RORB: variants seen among roughly 807,000 people sequenced by gnomAD.
The protein encoded by RORB is RAR related orphan receptor B.
In RORB, 6 loss-of-function variants were observed where a neutral mutation model predicts 59.1. The ratio of observed to expected loss-of-function variants is 0.10; its 90% confidence interval spans 0.06 to 0.20. The LOEUF (loss-of-function observed/expected upper bound fraction) is 0.20. RORB is among the 10% of genes least tolerant of loss of function. The pLI, the probability that RORB is intolerant of heterozygous loss-of-function variation, is 1.00. For missense variants in RORB, 320 were observed against 560.5 expected (o/e 0.57, Z 4.33); for synonymous variants, 215 against 204.5 (o/e 1.05, Z -0.44).
In RORB at chr9:74,673,223, C is replaced by T. The variant is rs542388854; in HGVS notation, c.1224+1322C>T. Among the ~76,000 whole-genome samples the T allele has an allele frequency of 1.4e-4, 22 of 152,242 alleles. No individual in the cohort carries two copies. The South Asian group carries it at 3.9e-3, about 27-fold the overall frequency. ...GAAAAGACAATAATGTAAATATATG[C>T]ATGTGTCTCTATAGTTGCTTGGTAG... is the stretch of plus-strand genomic sequence containing the variant. On this transcript the variant is annotated intron_variant, in intron 9 of 9. Coordinates refer to ENST00000376896, the MANE Select transcript of RORB (RefSeq NM_006914.4).
chr9:74,515,475 G>A (rs1005179715), intron 1 of RORB, among the ~76,000 whole-genome samples: 10 of 151,896 alleles, frequency 6.6e-5, no homozygotes, highest in Middle Eastern at 3.2e-3. Flanking sequence ...GTTCTTTCAG[G>A]AGAGTGTTTT....
rs558005164 is a variant in RORB, at chr9:74,521,741, C to T, written c.7+23758C>T. Reference sequence around the variant, plus strand: ...GGATTGTCACAGGTTAATTTTTCATCGTTTTATCCCTATCACTGAATACAG... The same window carrying T: ...GGATTGTCACAGGTTAATTTTTCATTGTTTTATCCCTATCACTGAATACAG... On this transcript the variant is annotated intron_variant, in intron 1 of 9. Transcript: ENST00000376896. 3.3e-5 allele frequency among the ~76,000 whole-genome samples: 5 copies of T among 151,810 alleles called. No individual in the cohort carries two copies. The East Asian group carries it at 9.7e-4, about 30-fold the overall frequency.
Position 74,642,789 on chromosome 9 carries a change from C to T in RORB, c.611C>T (p.Ala204Val). The T allele has an allele frequency of 3.1e-6, 5 of 1,603,900 alleles. No individual in the cohort carries two copies. Among genetic ancestry groups the T allele is most frequent in the Non-Finnish European group, 4.3e-6 (5 of 1,172,836 alleles). Residue 204 changes from alanine to valine, a missense_variant, in exon 4 of 10, where the codon GCA becomes GTA. Ala to Val is a moderately conservative substitution (Grantham distance 64). This residue lies in a region of RORB where 134 missense variants were observed against 156.2 expected (regional missense o/e 0.86). Coordinates refer to ENST00000376896, the MANE Select transcript of RORB (RefSeq NM_006914.4). ...AGCTCTTTCAACAATGGGCAGTTAGCACCAGGGATAACCATGACTGAAATC... is the reference window on the plus strand; with the variant it reads ...AGCTCTTTCAACAATGGGCAGTTAGTACCAGGGATAACCATGACTGAAATC... Reference protein sequence around the residue: ...TYSSFNNGQLAPGITMTEIDR... With the variant: ...TYSSFNNGQLVPGITMTEIDR...
chr9:74,606,221 C>A (rs184297842), intron 1 of RORB, among the ~76,000 whole-genome samples: 1 of 152,128 alleles, frequency 6.6e-6, no homozygotes, highest in African/African-American at 2.4e-5. Flanking sequence ...ATTCTATGGA[C>A]CCTGGAGAGA....
chr9:74,572,664 A>C (rs1822570263), intron 1 of RORB, among the ~76,000 whole-genome samples: 1 of 152,078 alleles, frequency 6.6e-6, no homozygotes, highest in African/African-American at 2.4e-5. Flanking sequence ...GGTAAGGAGA[A>C]CCCCTTGGAA....
At chr9:74,635,059 G>C (rs1823679072) in intron 3 of RORB, among the ~76,000 whole-genome samples, 1 of 152,156 alleles carries the variant, frequency 6.6e-6, no homozygotes, top group Admixed American at 6.5e-5. Context: ...ATCTGTCTAG[G>C]TTTGCCTGCA....
intron 4 of RORB, among the ~76,000 whole-genome samples, chr9:74,654,845 G>A (rs570623555): frequency 5.3e-5 from 8 of 152,232 alleles, no homozygotes; most frequent in Admixed American, 3.3e-4. Flanking sequence ...CTTTTGGGGG[G>A]AAAAAGTTTT....
intron 1 of RORB, among the ~76,000 whole-genome samples, chr9:74,523,788 T>G (rs1826115500): frequency 6.6e-6 from 1 of 151,910 alleles, no homozygotes; most frequent in South Asian, 2.1e-4. Context: ...AATCTTTTGT[T>G]TCCTGTTGAA....
rs1825800550 is a variant in RORB at position 74,501,226 on chromosome 9, C to CTATA, written c.7+3244_7+3247dup. On this transcript the variant is annotated intron_variant, in intron 1 of 9. Transcript: ENST00000376896. The stretch of plus-strand genomic sequence containing the variant: ...GATTAGAAATCTGGTTTTATACTTG[C>CTATA]TATAAACAAGGATTGGGTTTGGCTT... Among the ~76,000 whole-genome samples, 4 of 152,256 alleles carry CTATA rather than the reference C, an allele frequency of 2.6e-5. No homozygotes were observed. In the South Asian group the frequency reaches 6.2e-4, roughly 24 times the overall value.
chr9:74,542,734 G>A (rs1826428255), intron 1 of RORB, among the ~76,000 whole-genome samples: 1 of 152,128 alleles, frequency 6.6e-6, no homozygotes, highest in Non-Finnish European at 1.5e-5. Context: ...CATAATTCCA[G>A]TATTAATTAT....
rs374907698 is a variant in RORB, at chr9:74,630,372, G to A, written c.93+5G>A. The A allele has an allele frequency of 1.1e-5, 17 of 1,609,184 alleles. No homozygotes were observed. Among genetic ancestry groups the A allele is most frequent in the Non-Finnish European group, 1.4e-5 (17 of 1,176,808 alleles). ...ATCACATGTGAAGGCTGCAAGGTAT[G>A]GGACTTTCATACAGCACGGTTCTGT... On this transcript the variant is annotated splice_donor_5th_base_variant and intron_variant, in intron 2 of 9. Transcript: ENST00000376896.
At chr9:74,664,674 C>CA (rs1300024016) in intron 6 of RORB, among the ~76,000 whole-genome samples, 3 of 152,122 alleles carry the variant, frequency 2.0e-5, no homozygotes, top group African/African-American at 7.2e-5. Context: ...CAAAGACAAG[C>CA]AGAGAGAAAT....
chr9:74,579,988 C>A (rs1357829179), intron 1 of RORB, among the ~76,000 whole-genome samples: 1 of 152,084 alleles, frequency 6.6e-6, no homozygotes, highest in African/African-American at 2.4e-5. Flanking sequence ...TAACTTTTTA[C>A]AGTATGTTGT....
intron 4 of RORB, among the ~76,000 whole-genome samples, chr9:74,652,305 G>A (rs777941273): frequency 3.3e-5 from 5 of 152,092 alleles, no homozygotes; most frequent in African/African-American, 2.4e-5. Context: ...CTAGTTGCAC[G>A]ACTGAGGAAG....
At chr9:74,666,827 T>A (rs907458176) in intron 7 of RORB, among the ~76,000 whole-genome samples, 1 of 152,212 alleles carries the variant, frequency 6.6e-6, no homozygotes, top group Non-Finnish European at 1.5e-5. Flanking sequence ...TATCATCACA[T>A]CCAGTCATCA....
At chr9:74,554,443 C>G (rs1185950029) in intron 1 of RORB, among the ~76,000 whole-genome samples, 4 of 152,034 alleles carry the variant, frequency 2.6e-5, no homozygotes, top group African/African-American at 9.7e-5. Context: ...TGGACAGTTG[C>G]AGGAGTTTGT....
intron 1 of RORB, among the ~76,000 whole-genome samples, chr9:74,551,593 G>A (rs1281604550): frequency 6.6e-6 from 1 of 152,186 alleles, no homozygotes; most frequent in Admixed American, 6.5e-5. Context: ...TTGACGACTG[G>A]TAACTGAAAC....
At chr9:74,681,884 G>A (rs1382983396) in intron 9 of RORB, among the ~76,000 whole-genome samples, 2 of 152,160 alleles carry the variant, frequency 1.3e-5, no homozygotes, top group Non-Finnish European at 2.9e-5. Flanking sequence ...ATTGCTATAA[G>A]AAAATGAAAA....
chr9:74,626,890 A>G (rs979439238), intron 1 of RORB, among the ~76,000 whole-genome samples: 2 of 152,252 alleles, frequency 1.3e-5, no homozygotes, highest in Non-Finnish European at 2.9e-5. Context: ...TAGACCGGGC[A>G]TGGTGGCTCA....
Sources: gnomAD v4.1 joint callset for allele counts (sites outside exome capture counted in the v4.1 genomes callset) on GRCh38, gnomAD v4.1.1 for gene constraint, gnomAD v4.1.1 regional missense constraint, MANE v1.5 for transcripts, NCBI Gene and HGNC (gene_info 2026-07-23, HGNC 2026-07-21) for gene names.